BCAS3: variants seen among roughly 807,000 people sequenced by gnomAD.
The protein encoded by BCAS3 is BCAS3 microtubule associated cell migration factor.
A neutral mutation model predicts 116.1 loss-of-function variants in BCAS3; 53 were observed. The observed-to-expected ratio is 0.46, with a 90% CI of 0.37 to 0.57. The LOEUF (loss-of-function observed/expected upper bound fraction) is 0.57. Among genes scored for constraint, BCAS3 ranks in the 20% least tolerant of loss-of-function variants. The pLI is 0.00. For missense variants in BCAS3, 917 were observed against 1,165.4 expected, an observed-to-expected ratio of 0.79 and a Z score of 3.10; for synonymous variants, 391 against 408.2, an observed-to-expected ratio of 0.96 and a Z score of 0.51.
intron 22 of BCAS3, among the ~76,000 whole-genome samples, chr17:61,255,299 C>T (rs943786442): frequency 6.6e-6 from 1 of 152,210 alleles, no homozygotes; most frequent in Non-Finnish European, 1.5e-5. Flanking sequence ...AGCATAACTC[C>T]TCATCTCCAG....
chr17:60,856,549 G>A (rs2053688282), intron 7 of BCAS3, among the ~76,000 whole-genome samples: 1 of 152,028 alleles, frequency 6.6e-6, no homozygotes, highest in African/African-American at 2.4e-5. Flanking sequence ...AAATTAGCCA[G>A]GTGTGGTGGT....
In BCAS3 at chr17:61,215,460, CTATGA is replaced by C; in HGVS notation, c.2425+130900_2425+130904del. ...TCCTCCCTCTAGATTTGTAGTAATT[CTATGA>C]TATATTACTTGAAGAACAGAGGCAA... On this transcript the variant is annotated intron_variant, in intron 22 of 23. Transcript: ENST00000407086. The surrounding 1 kb of genome is among the most constrained non-coding windows in gnomAD (Gnocchi z 4.8). Among the ~76,000 whole-genome samples, 1 of 152,226 alleles carries C rather than the reference CTATGA, an allele frequency of 6.6e-6. No homozygotes were observed. The highest frequency in any genetic ancestry group is 2.4e-5 in the African/African-American group (1 of 41,544).
intron 22 of BCAS3, among the ~76,000 whole-genome samples, chr17:61,296,421 A>C (rs1049439287): frequency 5.9e-5 from 9 of 152,130 alleles, no homozygotes; most frequent in African/African-American, 2.2e-4. Context: ...TATTTTTCCA[A>C]ACTTCAGGTT....
chr17:60,731,593 A>G (rs1483698708), intron 5 of BCAS3, among the ~76,000 whole-genome samples: 3 of 152,038 alleles, frequency 2.0e-5, no homozygotes, highest in Admixed American at 2.0e-4. Context: ...TCTAATCTGT[A>G]TATTTTTACC....
intron 22 of BCAS3, among the ~76,000 whole-genome samples, chr17:61,110,991 A>C (rs1007933412): frequency 6.6e-6 from 1 of 152,044 alleles, no homozygotes; most frequent in Admixed American, 6.5e-5. Context: ...CACCTCACAC[A>C]GCAGGGTATT....
At chr17:61,328,766 A>G (rs2055945649) in intron 22 of BCAS3, among the ~76,000 whole-genome samples, 1 of 152,190 alleles carries the variant, frequency 6.6e-6, no homozygotes, top group Admixed American at 6.5e-5. Flanking sequence ...ATCCTGTCTC[A>G]AAAAACAAGA....
At chr17:61,292,430 C>T (rs2052515224) in intron 22 of BCAS3, among the ~76,000 whole-genome samples, 2 of 152,084 alleles carry the variant, frequency 1.3e-5, no homozygotes. Context: ...GTGGGCAGAT[C>T]ACTTTGAGCT....
intron 18 of BCAS3, 137 bp downstream of exon 18, chr17:61,038,191 A>C: frequency 4.3e-6 from 3 of 703,568 alleles, no homozygotes; most frequent in East Asian, 3.0e-5. Context: ...CAAATACATC[A>C]CTCTCAAATG....
intron 6 of BCAS3, among the ~76,000 whole-genome samples, chr17:60,794,817 G>A (rs1287499430): frequency 6.6e-6 from 1 of 152,038 alleles, no homozygotes; most frequent in East Asian, 1.9e-4. Context: ...CTTAGAATAT[G>A]GTTTGAAATT....
intron 6 of BCAS3, among the ~76,000 whole-genome samples, chr17:60,748,535 G>C (rs2144267332): frequency 6.6e-6 from 1 of 152,196 alleles, no homozygotes; most frequent in East Asian, 1.9e-4. Flanking sequence ...GAAGGGTTTT[G>C]GAATAGCCAG....
intron 22 of BCAS3, among the ~76,000 whole-genome samples, chr17:61,237,354 T>C (rs1318018934): frequency 6.6e-6 from 1 of 152,090 alleles, no homozygotes; most frequent in Non-Finnish European, 1.5e-5. Flanking sequence ...ATCCTAAAAG[T>C]AGCCAATCGC....
rs1166744729 is a variant in BCAS3 at position 61,026,286 on chromosome 17, G to A, written c.1638-8380G>A. 6.6e-6 allele frequency among the ~76,000 whole-genome samples: 1 copy of A among 151,930 alleles called. No individual in the cohort carries two copies. The highest frequency in any genetic ancestry group is 1.9e-4 in the East Asian group (1 of 5,204). On this transcript the variant is annotated intron_variant, in intron 16 of 23. Transcript: ENST00000407086. The surrounding 1 kb of genome is among the most constrained non-coding windows in gnomAD (Gnocchi z 5.0). ...GAGATATCCTAATTTCCTGGATTAT[G>A]GCCAAAAATAGAGAAAAATTATACT... is the stretch of plus-strand genomic sequence containing the variant.
intron 22 of BCAS3, among the ~76,000 whole-genome samples, chr17:61,262,418 T>C (rs1195912613): frequency 6.6e-6 from 1 of 151,648 alleles, no homozygotes; most frequent in African/African-American, 2.4e-5. Flanking sequence ...TCTCACTCTT[T>C]CGCCCAGGCT....
intron 7 of BCAS3, chr17:60,810,952 A>C (rs1479769421): frequency 2.9e-6 from 2 of 684,342 alleles, no homozygotes; most frequent in African/African-American, 3.5e-5. Context: ...GGCTCAGAAG[A>C]ACCAAGAGGA....
intron 22 of BCAS3, among the ~76,000 whole-genome samples, chr17:61,263,144 A>G (rs1288139617): frequency 6.6e-6 from 1 of 152,252 alleles, no homozygotes; most frequent in African/African-American, 2.4e-5. Context: ...AGGGGAGTCA[A>G]TGAAGGACCT....
rs991986251 is a variant in BCAS3, at chr17:61,229,494, C to T, written c.2426-138833C>T. 1.2e-4 allele frequency among the ~76,000 whole-genome samples: 19 copies of T among 152,198 alleles called. No individual in the cohort carries two copies. Among genetic ancestry groups the T allele is most frequent in the African/African-American group, 4.6e-4 (19 of 41,464 alleles). ...GGAAGAAGATGCCATCTAGGACTTTCATAGCTAGAGAGGAGGAGTCAGTGC... is the reference window on the plus strand; with the variant it reads ...GGAAGAAGATGCCATCTAGGACTTTTATAGCTAGAGAGGAGGAGTCAGTGC... On this transcript the variant is annotated intron_variant, in intron 22 of 23. Transcript: ENST00000407086. This position sits in a 1 kb window ranked among gnomAD's most constrained non-coding sequence, Gnocchi z 4.4.
intron 14 of BCAS3, among the ~76,000 whole-genome samples, chr17:60,980,945 C>T (rs1209154636): frequency 2.6e-5 from 4 of 152,066 alleles, no homozygotes; most frequent in Admixed American, 2.0e-4. Context: ...GCGATTCTCC[C>T]ACCCTAGCCT....
In BCAS3 at chr17:61,227,151, CT is replaced by C. The variant is rs1414211123; in HGVS notation, c.2426-141172del. Among the ~76,000 whole-genome samples, 14 of 152,180 alleles carry C rather than the reference CT, an allele frequency of 9.2e-5. No individual in the cohort carries two copies. The highest frequency in any genetic ancestry group is 5.9e-5 in the Non-Finnish European group (4 of 68,036). On this transcript the variant is annotated intron_variant, in intron 22 of 23. Transcript: ENST00000407086. This position sits in a 1 kb window ranked among gnomAD's most constrained non-coding sequence, Gnocchi z 6.1. ...AGAATGAACTGATTTTGGCTAGAGC[CT>C]TTTCTTGTCTAGGAATGGAGGAATT...
chr17:60,809,658 C>T (rs978782996), intron 7 of BCAS3, among the ~76,000 whole-genome samples: 2 of 152,196 alleles, frequency 1.3e-5, no homozygotes, highest in Non-Finnish European at 2.9e-5. Flanking sequence ...GTCTTGATGA[C>T]ATGTGTGCTT....
Sources: allele counts gnomAD v4.1 joint callset (sites outside exome capture counted in the v4.1 genomes callset), GRCh38; gene constraint gnomAD v4.1.1; non-coding constraint Gnocchi (gnomAD v3.1); transcripts MANE v1.5; gene names NCBI Gene and HGNC (gene_info 2026-07-23, HGNC 2026-07-21).